Variants in PTPRG observed in about 807,000 individuals in gnomAD.
PTPRG encodes protein tyrosine phosphatase receptor type G.
Under a neutral mutation model 165.3 loss-of-function variants are expected in PTPRG, and 102 were observed. The ratio of observed to expected loss-of-function variants is 0.62; its 90% CI spans 0.53 to 0.73. The LOEUF (loss-of-function observed/expected upper bound fraction) is 0.73. Among genes scored for constraint, PTPRG ranks in the 30% least tolerant of loss-of-function variants. PTPRG has a pLI of 0.00. For synonymous variants in PTPRG, 675 were observed against 669.5 expected, an observed-to-expected ratio of 1.01 and a Z score of -0.13; for missense variants, 1,866 against 1,861.4, an observed-to-expected ratio of 1.00 and a Z score of -0.05.
intron 1 of PTPRG, among the ~76,000 whole-genome samples, chr3:61,683,694 G>A (rs1351321051): frequency 6.6e-6 from 1 of 152,188 alleles, no homozygotes; most frequent in Admixed American, 6.5e-5. Flanking sequence ...TCGTGCTTGA[G>A]CTCTCTCTCG....
chr3:62,038,477 C>G (rs1038516679), intron 4 of PTPRG, among the ~76,000 whole-genome samples: 1 of 152,016 alleles, frequency 6.6e-6, no homozygotes, highest in East Asian at 1.9e-4. Context: ...GGCTCACTGC[C>G]GCCTCAACCT....
intron 1 of PTPRG, among the ~76,000 whole-genome samples, chr3:61,661,473 G>C (rs1234603921): frequency 1.3e-5 from 2 of 152,098 alleles, no homozygotes; most frequent in Non-Finnish European, 2.9e-5. Context: ...AGGCAGTTTA[G>C]AATATGTAAA....
intron 2 of PTPRG, among the ~76,000 whole-genome samples, chr3:61,910,642 GCAGGCTTTGTGTCTGTGAGATAA>G (rs2038778198): frequency 6.6e-6 from 1 of 152,138 alleles, no homozygotes; most frequent in Admixed American, 6.6e-5. Context: ...AGTACCTGGT[GCAGGCTTTGTGTCTGTGAGATAA>G]CTCCCGAGGC....
chr3:61,630,581 A>G (rs1174024079), intron 1 of PTPRG, among the ~76,000 whole-genome samples: 1 of 152,128 alleles, frequency 6.6e-6, no homozygotes, highest in Non-Finnish European at 1.5e-5. Context: ...GATCTTTTTA[A>G]GGATTGACTC....
At chr3:61,585,319 TAG>T (rs371662399) in intron 1 of PTPRG, among the ~76,000 whole-genome samples, 7 of 134,960 alleles carry the variant, frequency 5.2e-5, no homozygotes, top group African/African-American at 1.6e-4. Flanking sequence ...GAAAAGAAAA[TAG>T]GGGAATAATT....
chr3:62,281,818 G>C (rs533507647), intron 27 of PTPRG, 109 bp downstream of exon 27: 2 of 1,084,234 alleles, frequency 1.8e-6, no homozygotes, highest in South Asian at 2.0e-5. Context: ...AGGCATTTGA[G>C]TAAGACTTAA....
At chr3:61,610,502 A>C (rs1701134099) in intron 1 of PTPRG, among the ~76,000 whole-genome samples, 3 of 152,210 alleles carry the variant, frequency 2.0e-5, no homozygotes, top group Admixed American at 2.0e-4. Flanking sequence ...GGCTATAGCC[A>C]GCAGTCTTCG....
intron 2 of PTPRG, among the ~76,000 whole-genome samples, chr3:61,896,056 T>C (rs1464300095): frequency 3.3e-5 from 5 of 152,196 alleles, no homozygotes; most frequent in African/African-American, 7.2e-5. Flanking sequence ...TTTATACTTA[T>C]TATGTGCATT....
chr3:62,020,517 G>A (rs1191829813), intron 4 of PTPRG, among the ~76,000 whole-genome samples: 7 of 152,144 alleles, frequency 4.6e-5, no homozygotes, highest in South Asian at 2.1e-4. Context: ...TAAAGAAAGC[G>A]TGTGTTTCTC....
intron 5 of PTPRG, among the ~76,000 whole-genome samples, chr3:62,119,619 T>G (rs1702988139): frequency 6.6e-6 from 1 of 151,746 alleles, no homozygotes; most frequent in South Asian, 2.1e-4. Context: ...TTTTAATTTT[T>G]TTATTTTTTT....
At chr3:61,921,693 A>C (rs2039081467) in intron 2 of PTPRG, among the ~76,000 whole-genome samples, 1 of 152,218 alleles carries the variant, frequency 6.6e-6, no homozygotes, top group Non-Finnish European at 1.5e-5. Flanking sequence ...ATTTAGACTC[A>C]AGATTTCTAA....
At chr3:61,921,183 G>A (rs897864322) in intron 2 of PTPRG, among the ~76,000 whole-genome samples, 1 of 146,756 alleles carries the variant, frequency 6.8e-6, no homozygotes, top group African/African-American at 2.6e-5. Flanking sequence ...TACAGCTTAG[G>A]GAAAAAGATG....
chr3:61,571,075 A>C (rs1700043503), intron 1 of PTPRG, among the ~76,000 whole-genome samples: 1 of 152,172 alleles, frequency 6.6e-6, no homozygotes, highest in Admixed American at 6.5e-5. Flanking sequence ...CTTTTAATCT[A>C]TAAAATGGGA....
chr3:62,206,875 GAGA>G (rs1485620580), intron 12 of PTPRG, among the ~76,000 whole-genome samples: 1 of 123,580 alleles, frequency 8.1e-6, no homozygotes, highest in Non-Finnish European at 1.6e-5. Context: ...AGGCTGCAGT[GAGA>G]AGATCACACC....
At chr3:61,572,985 G>T (rs142002130) in intron 1 of PTPRG, among the ~76,000 whole-genome samples, 2 of 152,346 alleles carry the variant, frequency 1.3e-5, no homozygotes, top group Non-Finnish European at 2.9e-5. Flanking sequence ...GTGCACACAG[G>T]TGCATTGCTG....
intron 4 of PTPRG, among the ~76,000 whole-genome samples, chr3:62,065,755 T>A (rs1700990984): frequency 6.6e-6 from 1 of 152,074 alleles, no homozygotes; most frequent in African/African-American, 2.4e-5. Context: ...GAAGAACCTT[T>A]TGTAAGGGGA....
At chr3:61,738,316 ATATATATATATATATATATATG>A (rs2032832038) in intron 1 of PTPRG, among the ~76,000 whole-genome samples, 1 of 96,466 alleles carries the variant, frequency 1.0e-5, no homozygotes, top group African/African-American at 3.5e-5. Context: ...ATATATACAT[ATATATATATATATATATATATG>A]TATATATATA....
chr3:62,149,856 A>AT (rs920768165), intron 6 of PTPRG, among the ~76,000 whole-genome samples: 2 of 152,006 alleles, frequency 1.3e-5, no homozygotes, highest in Admixed American at 6.6e-5. Flanking sequence ...CCAAAAGCTG[A>AT]TTTTTTCCCC....
intron 4 of PTPRG, among the ~76,000 whole-genome samples, chr3:62,013,576 TGCA>T (rs2041476071): frequency 6.6e-6 from 1 of 152,234 alleles, no homozygotes; most frequent in African/African-American, 2.4e-5. Context: ...TCTCTGCTCT[TGCA>T]GCAGGGCTTG....
Sources: gnomAD v4.1 joint callset for allele counts (sites outside exome capture counted in the v4.1 genomes callset) on GRCh38, gnomAD v4.1.1 for gene constraint, MANE v1.5 for transcripts, NCBI Gene and HGNC (gene_info 2026-07-23, HGNC 2026-07-21) for gene names.